The following CHCHD3 variants were observed in gnomAD, a reference collection of about 807,000 sequenced individuals.
CHCHD3 encodes the protein coiled-coil-helix-coiled-coil-helix domain containing 3, also known as MICOS complex subunit MIC19.
Under a neutral mutation model 38.2 loss-of-function variants are expected in CHCHD3, and 20 were observed. The observed-to-expected ratio is 0.52, with a 90% CI of 0.37 to 0.76. The LOEUF (loss-of-function observed/expected upper bound fraction) is 0.76, where lower values mean the gene tolerates loss of function less well. Among genes scored for constraint, CHCHD3 ranks in the 30% least tolerant of loss-of-function variants. The probability of loss-of-function intolerance (pLI) is 0.00; values close to 1 mark genes in which losing one functional copy is unlikely to be tolerated. For synonymous variants in CHCHD3, 82 were observed against 100.0 expected, an observed-to-expected ratio of 0.82 and a Z score of 1.07; for missense variants, 245 against 279.2, an observed-to-expected ratio of 0.88 and a Z score of 0.87.
chr7:132,801,417 C>G (rs1484128746), intron 6 of CHCHD3, among the ~76,000 whole-genome samples: 1 of 152,230 alleles, frequency 6.6e-6, no homozygotes, highest in Non-Finnish European at 1.5e-5. Context: ...CTTCAGAAGT[C>G]CCTCTCTAAA....
intron 2 of CHCHD3, among the ~76,000 whole-genome samples, chr7:133,027,101 C>A (rs998461102): frequency 6.6e-6 from 1 of 151,622 alleles, no homozygotes; most frequent in Non-Finnish European, 1.5e-5. Context: ...CCATGCCCAG[C>A]TAATTTGTGT....
At chr7:133,010,852 T>G (rs1208333718) in intron 3 of CHCHD3, among the ~76,000 whole-genome samples, 1 of 152,160 alleles carries the variant, frequency 6.6e-6, no homozygotes, top group African/African-American at 2.4e-5. Flanking sequence ...GTGCTGGGAT[T>G]ACAGGCATGC....
chr7:132,956,039 CAA>C (rs1476333552), intron 4 of CHCHD3, among the ~76,000 whole-genome samples: 1 of 152,080 alleles, frequency 6.6e-6, no homozygotes, highest in African/African-American at 2.4e-5. Flanking sequence ...AAGTTTTGCT[CAA>C]AAAAGAGAAT....
chr7:132,970,782 A>C (rs1438341058), intron 4 of CHCHD3, among the ~76,000 whole-genome samples: 2 of 152,068 alleles, frequency 1.3e-5, no homozygotes, highest in Non-Finnish European at 2.9e-5. Context: ...AAAAAAGAAA[A>C]GAAGAGAAAA....
chr7:132,973,594 C>A (rs895392127), intron 4 of CHCHD3: 2 of 999,632 alleles, frequency 2.0e-6, no homozygotes, highest in Non-Finnish European at 2.4e-6. Context: ...AGTCCACTGA[C>A]ATTTCTTTCT....
rs184138494 is a variant in CHCHD3, at chr7:132,873,269, A to G, written c.453+12393T>C. Among the ~76,000 whole-genome samples the G allele has an allele frequency of 2.0e-3, 310 of 152,226 alleles. 3 individuals are homozygous for G. The highest frequency in any genetic ancestry group is 3.2e-3 in the Non-Finnish European group (220 of 68,002). On this transcript the variant is annotated intron_variant, in intron 5 of 7. Coordinates refer to ENST00000262570, the MANE Select transcript of CHCHD3 (RefSeq NM_017812.4). ...CTAAGAATCCCAGGTCAAGTTACTC[A>G]ATGTCTTTCAGACTCAACAAATCAA...
At position 132,919,100 on chromosome 7, in the gene CHCHD3, C is replaced by CTTTTTTTTTTTTTTT. The variant is rs5887600; in HGVS notation, c.370-33370_370-33356dup. Reference sequence around the variant, plus strand: ...CTAATCCTATATAGTTGGGTTTATTCTTTTTTTTTTTTTTTTTTTTTTTTT... The same window carrying CTTTTTTTTTTTTTTT: ...CTAATCCTATATAGTTGGGTTTATTCTTTTTTTTTTTTTTTTTTTTTTTTTTTTTTTTTTTTTTTT... On this transcript the variant is annotated intron_variant, in intron 4 of 7. Coordinates refer to ENST00000262570, the MANE Select transcript of CHCHD3 (RefSeq NM_017812.4). Among the ~76,000 whole-genome samples, 8 of 69,502 alleles carry CTTTTTTTTTTTTTTT rather than the reference C, an allele frequency of 1.2e-4. 1 individual carries two copies. The highest frequency in any genetic ancestry group is 1.1e-3 in the East Asian group (2 of 1,740). The allele number at this position is 69,502 out of a possible 152,430, so 45.6% of individuals were successfully genotyped here.
chr7:132,850,683 G>A (rs1395929517), intron 5 of CHCHD3, among the ~76,000 whole-genome samples: 1 of 152,022 alleles, frequency 6.6e-6, no homozygotes. Flanking sequence ...CCAGACACTG[G>A]GCCAAGAACT....
At chr7:132,898,505 C>T (rs1271484029) in intron 4 of CHCHD3, among the ~76,000 whole-genome samples, 1 of 152,244 alleles carries the variant, frequency 6.6e-6, no homozygotes, top group Non-Finnish European at 1.5e-5. Context: ...CAAAGGTTCT[C>T]CACATCCCCA....
At chr7:133,038,839 G>T (rs1281651381) in intron 2 of CHCHD3, among the ~76,000 whole-genome samples, 1 of 152,162 alleles carries the variant, frequency 6.6e-6, no homozygotes, top group Non-Finnish European at 1.5e-5. Context: ...TCTATAAATT[G>T]TCCACTTTGG....
intron 4 of CHCHD3, among the ~76,000 whole-genome samples, chr7:132,944,192 T>C (rs2117275591): frequency 6.6e-6 from 1 of 152,136 alleles, no homozygotes; most frequent in Middle Eastern, 3.4e-3. Flanking sequence ...CTTTAACCAA[T>C]CAATTGCTGA....
At chr7:132,877,881 G>C (rs372664048) in intron 5 of CHCHD3, among the ~76,000 whole-genome samples, 2 of 152,000 alleles carry the variant, frequency 1.3e-5, no homozygotes, top group African/African-American at 4.8e-5. Context: ...AACCCACGTA[G>C]GCACATCTAC....
At chr7:132,967,881 G>A (rs987664171) in intron 4 of CHCHD3, among the ~76,000 whole-genome samples, 3 of 150,934 alleles carry the variant, frequency 2.0e-5, no homozygotes, top group Admixed American at 6.6e-5. Context: ...TGAGGAAAGC[G>A]GGTCTGACAA....
intron 1 of CHCHD3, among the ~76,000 whole-genome samples, chr7:133,077,245 G>A (rs1182977433): frequency 6.6e-6 from 1 of 152,140 alleles, no homozygotes; most frequent in Non-Finnish European, 1.5e-5. Context: ...AAAGCTGAAA[G>A]AAACTAATCA....
chr7:132,883,150 T>C (rs1227556920), intron 5 of CHCHD3, among the ~76,000 whole-genome samples: 1 of 152,192 alleles, frequency 6.6e-6, no homozygotes, highest in African/African-American at 2.4e-5. Context: ...TCAATTAAAC[T>C]TCTTCCCTTC....
chr7:133,054,780 G>T (rs1814268735), intron 2 of CHCHD3, among the ~76,000 whole-genome samples: 1 of 152,068 alleles, frequency 6.6e-6, no homozygotes, highest in Non-Finnish European at 1.5e-5. Flanking sequence ...TTAGTATGTG[G>T]TCTTTTGTGA....
Position 132,807,074 on chromosome 7 carries a change from G to C in CHCHD3, c.525-10497C>G, listed in dbSNP as rs775191778. Among the ~76,000 whole-genome samples the C allele has an allele frequency of 4.5e-4, 69 of 152,306 alleles. 1 individual carries two copies. Among genetic ancestry groups the C allele is most frequent in the Non-Finnish European group, 9.4e-4 (64 of 68,020 alleles). Reference sequence around the variant, plus strand: ...ACCTCACCAGCTGGGTCAGTGCTCTGATAGCAAGAGGGATTCTGGTGAGTA... The same window carrying C: ...ACCTCACCAGCTGGGTCAGTGCTCTCATAGCAAGAGGGATTCTGGTGAGTA... On this transcript the variant is annotated intron_variant, in intron 6 of 7. Coordinates refer to ENST00000262570, the MANE Select transcript of CHCHD3 (RefSeq NM_017812.4).
chr7:132,852,764 A>T (rs886477465), intron 5 of CHCHD3, among the ~76,000 whole-genome samples: 4 of 152,188 alleles, frequency 2.6e-5, no homozygotes, highest in African/African-American at 9.7e-5. Flanking sequence ...TGGTGGAGAA[A>T]GGAATCCTGA....
intron 3 of CHCHD3, among the ~76,000 whole-genome samples, chr7:132,988,795 G>A (rs1407526616): frequency 1.3e-5 from 2 of 151,862 alleles, no homozygotes; most frequent in Non-Finnish European, 2.9e-5. Context: ...GCACCTGCTT[G>A]TAAGTCCAAG....
Sources: gnomAD v4.1 joint callset for allele counts (sites outside exome capture counted in the v4.1 genomes callset) on GRCh38, gnomAD v4.1.1 for gene constraint, MANE v1.5 for transcripts, NCBI Gene and HGNC (gene_info 2026-07-23, HGNC 2026-07-21) for gene names.